The following KDM4B variants were observed in gnomAD, a reference collection of about 807,000 sequenced individuals.
The protein encoded by KDM4B is lysine demethylase 4B, also known as lysine-specific demethylase 4B.
In KDM4B, 32 loss-of-function variants were observed where a neutral mutation model predicts 125.2. That is an observed-to-expected ratio of 0.26 (90% CI 0.19 to 0.34). KDM4B has a LOEUF of 0.34. Ranked by LOEUF, KDM4B falls within the 10% of genes least tolerant of loss-of-function variation. The pLI, the probability that KDM4B is intolerant of heterozygous loss-of-function variation, is 1.00. For missense variants in KDM4B, 1,190 were observed against 1,577.7 expected, an observed-to-expected ratio of 0.75 and a Z score of 4.16; for synonymous variants, 721 against 677.9, an observed-to-expected ratio of 1.06 and a Z score of -0.99.
chr19:4,973,595 A>T (rs2034336814), intron 1 of KDM4B, among the ~76,000 whole-genome samples: 2 of 152,118 alleles, frequency 1.3e-5, no homozygotes, highest in Admixed American at 6.6e-5. Flanking sequence ...TGGATTGACG[A>T]ATTGATGTTT....
chr19:5,071,534 C>G (rs974642201), intron 7 of KDM4B, among the ~76,000 whole-genome samples: 35 of 152,256 alleles, frequency 2.3e-4, no homozygotes, highest in African/African-American at 8.0e-4. Flanking sequence ...TGGGACCCAA[C>G]CTGGACACCT....
At chr19:5,012,441 G>GC (rs1269608337) in intron 1 of KDM4B, among the ~76,000 whole-genome samples, 1 of 151,952 alleles carries the variant, frequency 6.6e-6, no homozygotes, top group Non-Finnish European at 1.5e-5. Flanking sequence ...CTGTCCCAGG[G>GC]CCCCCCACAC....
At chr19:5,080,575 G>A (rs577033988) in intron 8 of KDM4B, 13 of 152,404 alleles carry the variant, frequency 8.5e-5, no homozygotes, top group Admixed American at 7.2e-4. Context: ...GGAGGGCGCA[G>A]CTGCACGCTG....
intron 1 of KDM4B, among the ~76,000 whole-genome samples, chr19:4,986,016 T>C (rs1305005530): frequency 3.3e-5 from 5 of 152,218 alleles, no homozygotes; most frequent in African/African-American, 1.2e-4. Context: ...TGAGCTTCTC[T>C]TTTAGCCTGA....
Position 5,131,963 on chromosome 19 carries a change from G to A in KDM4B, c.1862G>A (p.Arg621Gln). 1 of 1,611,770 alleles carries A rather than the reference G, an allele frequency of 6.2e-7. No individual in the cohort carries two copies. ...CATCCCCTGGGCCGGCCGCCCACCCGGTCCCCACTGTCGGTGGTGAAGCAG... is the reference window on the plus strand; with the variant it reads ...CATCCCCTGGGCCGGCCGCCCACCCAGTCCCCACTGTCGGTGGTGAAGCAG... ...RRHPLGRPPT[R>Q]SPLSVVKQEA... Residue 621 changes from arginine to glutamine, a missense_variant, in exon 13 of 23, where the codon CGG becomes CAG. By Grantham distance (43) the Arg-to-Gln change is conservative. Coordinates refer to ENST00000159111, the MANE Select transcript of KDM4B (RefSeq NM_015015.3).
At position 5,035,930 on chromosome 19, in the gene KDM4B, C is replaced by G. The variant is rs1459180882; in HGVS notation, c.141+2899C>G. The stretch of plus-strand genomic sequence containing the variant: ...ACAGGAGACTGAGGTGGGGAGGCAG[C>G]TCTCACACAGCCCAGAGAGCTTGGC... On this transcript the variant is annotated intron_variant, in intron 3 of 22. Transcript: ENST00000159111. This position sits in a 1 kb window ranked among gnomAD's most constrained non-coding sequence, Gnocchi z 5.3. Among the ~76,000 whole-genome samples, 3 of 151,460 alleles carry G rather than the reference C, an allele frequency of 2.0e-5. No homozygotes were observed. The highest frequency in any genetic ancestry group is 4.2e-4 in the South Asian group (2 of 4,802).
At chr19:5,134,339 G>T (rs1001606779) in intron 14 of KDM4B, among the ~76,000 whole-genome samples, 1 of 152,158 alleles carries the variant, frequency 6.6e-6, no homozygotes, top group South Asian at 2.1e-4. Context: ...CTCAGGGAGC[G>T]CCCGTGTCTG....
At chr19:5,062,627 T>C (rs2037638751) in intron 6 of KDM4B, among the ~76,000 whole-genome samples, 1 of 152,134 alleles carries the variant, frequency 6.6e-6, no homozygotes, top group Non-Finnish European at 1.5e-5. Flanking sequence ...TAATGTTCTT[T>C]CTGCTGTAGA....
intron 11 of KDM4B, among the ~76,000 whole-genome samples, chr19:5,121,920 A>G (rs1203510329): frequency 6.6e-6 from 1 of 152,024 alleles, no homozygotes; most frequent in Non-Finnish European, 1.5e-5. Flanking sequence ...AAAGATGGCA[A>G]AAGGTCTAGG....
At chr19:5,129,250 G>T (rs2039502820) in intron 11 of KDM4B, among the ~76,000 whole-genome samples, 1 of 152,172 alleles carries the variant, frequency 6.6e-6, no homozygotes, top group Admixed American at 6.5e-5. Context: ...GCCCCTTGTG[G>T]GAGTGTGTGG....
chr19:5,035,443 C>T lies in KDM4B; in HGVS notation c.141+2412C>T, dbSNP rs1027865864. 1.3e-5 allele frequency among the ~76,000 whole-genome samples: 2 copies of T among 152,130 alleles called. No individual in the cohort carries two copies. The highest frequency in any genetic ancestry group is 4.1e-4 in the South Asian group (2 of 4,826). On this transcript the variant is annotated intron_variant, in intron 3 of 22. Coordinates refer to ENST00000159111, the MANE Select transcript of KDM4B (RefSeq NM_015015.3). This position sits in a 1 kb window ranked among gnomAD's most constrained non-coding sequence, Gnocchi z 5.3. ...TTCTTCCTCATCCCTCACCTCCCACCGGGCTCCATGCCCCGGTGTTTCCGG... is the reference window on the plus strand; with the variant it reads ...TTCTTCCTCATCCCTCACCTCCCACTGGGCTCCATGCCCCGGTGTTTCCGG...
chr19:4,999,452 C>T (rs969177605), intron 1 of KDM4B, among the ~76,000 whole-genome samples: 7 of 152,058 alleles, frequency 4.6e-5, no homozygotes, highest in African/African-American at 1.7e-4. Flanking sequence ...TCCAAGGAGC[C>T]CTGGTTCTGT....
At chr19:5,087,307 A>C (rs1292244449) in intron 9 of KDM4B, among the ~76,000 whole-genome samples, 1 of 152,222 alleles carries the variant, frequency 6.6e-6, no homozygotes, top group East Asian at 1.9e-4. Context: ...CCCTCGGGGC[A>C]GGAGGAGGCC....
intron 16 of KDM4B, 133 bp from the exon 17 acceptor site, chr19:5,137,488 C>A: frequency 8.3e-7 from 1 of 1,209,844 alleles, no homozygotes; most frequent in Non-Finnish European, 1.2e-6. Flanking sequence ...GGGATTCCCA[C>A]CCGTCACTTT....
At chr19:5,062,784 T>TTG in intron 6 of KDM4B, among the ~76,000 whole-genome samples, 1 of 147,616 alleles carries the variant, frequency 6.8e-6, no homozygotes, top group South Asian at 2.2e-4. Flanking sequence ...TGTTTTTTTT[T>TTG]TTTTTTTTTT....
chr19:5,013,771 T>C (rs572792337), intron 1 of KDM4B, among the ~76,000 whole-genome samples: 2 of 152,308 alleles, frequency 1.3e-5, no homozygotes, highest in African/African-American at 4.8e-5. Context: ...CCTGTTGCCA[T>C]GGAAGGTGAA....
intron 11 of KDM4B, among the ~76,000 whole-genome samples, chr19:5,122,682 G>A (rs992828468): frequency 4.1e-4 from 63 of 152,204 alleles, no homozygotes; most frequent in Admixed American, 5.2e-4. Context: ...CTCGCCACCC[G>A]TCACCGACCA....
intron 6 of KDM4B, among the ~76,000 whole-genome samples, chr19:5,049,167 C>T (rs551901549): frequency 1.3e-5 from 2 of 152,174 alleles, no homozygotes; most frequent in South Asian, 2.1e-4. Flanking sequence ...CAGTGGGGCC[C>T]GGCCACAGGC....
chr19:5,009,543 A>G (rs2035666547), intron 1 of KDM4B, among the ~76,000 whole-genome samples: 1 of 152,216 alleles, frequency 6.6e-6, no homozygotes, highest in African/African-American at 2.4e-5. Flanking sequence ...ACAGAGGTCC[A>G]GGTGGTTGTT....
Sources: gnomAD v4.1 joint callset for allele counts (sites outside exome capture counted in the v4.1 genomes callset) on GRCh38, gnomAD v4.1.1 for gene constraint, Gnocchi (gnomAD v3.1) non-coding constraint, MANE v1.5 for transcripts, NCBI Gene and HGNC (gene_info 2026-07-23, HGNC 2026-07-21) for gene names.